Variants in RIMKLB observed in about 807,000 individuals in gnomAD.
The protein encoded by RIMKLB is ribosomal modification protein rimK like family member B.
RIMKLB carries 7 observed loss-of-function variants against 32.0 expected under a neutral mutation model. That is an observed-to-expected ratio of 0.22 (90% confidence interval 0.12 to 0.41). The LOEUF is 0.41. Among genes scored for constraint, RIMKLB ranks in the 10% least tolerant of loss-of-function variants. The probability of loss-of-function intolerance (pLI) is 1.00; values close to 1 mark genes in which losing one functional copy is unlikely to be tolerated. For synonymous variants in RIMKLB, 172 were observed against 185.1 expected, an observed-to-expected ratio of 0.93 and a Z score of 0.57; for missense variants, 289 against 498.7, an observed-to-expected ratio of 0.58 and a Z score of 4.00.
chr12:8,748,812 G>A (rs909610130), intron 2 of RIMKLB, among the ~76,000 whole-genome samples: 5 of 151,744 alleles, frequency 3.3e-5, no homozygotes, highest in Admixed American at 1.3e-4. Flanking sequence ...GGTGGCGGAC[G>A]CCTGTAGTCC....
At chr12:8,711,100 G>C (rs775529222) in intron 1 of RIMKLB, among the ~76,000 whole-genome samples, 2 of 152,072 alleles carry the variant, frequency 1.3e-5, no homozygotes, top group African/African-American at 4.8e-5. Context: ...TGGGCATGGT[G>C]GTGGGCATCT....
At chr12:8,689,337 A>C (rs931475089) in intron 1 of RIMKLB, among the ~76,000 whole-genome samples, 1 of 152,250 alleles carries the variant, frequency 6.6e-6, no homozygotes, top group Non-Finnish European at 1.5e-5. Context: ...TGGGCTGAAA[A>C]GAGACGTCCT....
intron 5 of RIMKLB, among the ~76,000 whole-genome samples, chr12:8,771,292 A>C (rs1318232057): frequency 6.6e-6 from 1 of 152,086 alleles, no homozygotes; most frequent in Non-Finnish European, 1.5e-5. Context: ...GCAGGACCTC[A>C]TCTGGAATGA....
downstream of RIMKLB, among the ~76,000 whole-genome samples, chr12:8,782,135 ATGATAAACT>A (rs55911808): frequency 0.33 from 49,793 of 151,616 alleles, 8,278 homozygotes; most frequent in South Asian, 0.51. Flanking sequence ...CTGAAAGAAA[ATGATAAACT>A]TGAGTTTTAA....
intron 5 of RIMKLB, among the ~76,000 whole-genome samples, chr12:8,768,587 C>G (rs1308868737): frequency 6.6e-6 from 1 of 152,144 alleles, no homozygotes; most frequent in African/African-American, 2.4e-5. Context: ...AGTTTTCAGT[C>G]TTTTCCTAGG....
intron 3 of RIMKLB, 40 bp from the exon 4 acceptor site, chr12:8,751,917 T>G (rs748602316): frequency 5.0e-5 from 62 of 1,239,706 alleles, no homozygotes; most frequent in Non-Finnish European, 7.1e-5. Flanking sequence ...AAAATACTTC[T>G]GCTGCTGTTT....
At chr12:8,759,827 A>T (rs893700082) in intron 5 of RIMKLB, among the ~76,000 whole-genome samples, 2 of 152,166 alleles carry the variant, frequency 1.3e-5, no homozygotes, top group African/African-American at 4.8e-5. Context: ...AAATAGGTTT[A>T]GTGTTTTGCT....
chr12:8,717,554 C>T (rs1447203932), intron 2 of RIMKLB, among the ~76,000 whole-genome samples: 1 of 152,078 alleles, frequency 6.6e-6, no homozygotes, highest in Non-Finnish European at 1.5e-5. Flanking sequence ...GTGTCCTATT[C>T]CTAGCCTAAG....
At chr12:8,761,908 C>T (rs539003387) in intron 5 of RIMKLB, among the ~76,000 whole-genome samples, 255 of 152,212 alleles carry the variant, frequency 1.7e-3, no homozygotes, top group Non-Finnish European at 2.6e-3. Context: ...GCTAGCAGGC[C>T]GGTCCAGGGG....
chr12:8,702,776 T>C (rs977377134), intron 1 of RIMKLB, among the ~76,000 whole-genome samples: 2 of 152,234 alleles, frequency 1.3e-5, no homozygotes, highest in Non-Finnish European at 2.9e-5. Context: ...GTTAGCCATA[T>C]CTGTAAAGCC....
At chr12:8,703,011 C>T (rs888215220) in intron 1 of RIMKLB, among the ~76,000 whole-genome samples, 2 of 152,178 alleles carry the variant, frequency 1.3e-5, no homozygotes, top group African/African-American at 4.8e-5. Context: ...GGAGGCTGGG[C>T]ATGGTGGCTC....
intron 5 of RIMKLB, among the ~76,000 whole-genome samples, chr12:8,756,289 C>G (rs1337030934): frequency 1.3e-5 from 2 of 152,096 alleles, no homozygotes; most frequent in African/African-American, 4.8e-5. Flanking sequence ...CCACTGCACT[C>G]CAGCCTGTCT....
intron 5 of RIMKLB, among the ~76,000 whole-genome samples, chr12:8,766,516 GAGAT>G (rs1565419728): frequency 6.6e-6 from 1 of 152,158 alleles, no homozygotes; most frequent in African/African-American, 2.4e-5. Flanking sequence ...AGTCGGGATT[GAGAT>G]AGAGTCTTTT....
At chr12:8,680,205 G>C (rs1456223492), upstream of RIMKLB, among the ~76,000 whole-genome samples, 1 of 152,184 alleles carries the variant, frequency 6.6e-6, no homozygotes, top group Non-Finnish European at 1.5e-5. Flanking sequence ...GCCCACGCTG[G>C]AGCGCAGTGG....
the RIMKLB span, among the ~76,000 whole-genome samples, chr12:8,670,971 C>T: frequency 6.6e-6 from 1 of 152,328 alleles, no homozygotes; most frequent in South Asian, 2.1e-4. Context: ...AGCCACAGCC[C>T]AAGCTGTATG....
chr12:8,730,170 C>G (rs1347551456), intron 2 of RIMKLB, among the ~76,000 whole-genome samples: 2 of 152,188 alleles, frequency 1.3e-5, no homozygotes, highest in Non-Finnish European at 2.9e-5. Flanking sequence ...ACTGCAGCCT[C>G]CAACCCCTAG....
In RIMKLB at chr12:8,773,584, G is replaced by A. The variant is rs55776242; in HGVS notation, c.961G>A (p.Val321Met). The change falls in exon 6 of 6, where the codon GTG (valine) becomes ATG (methionine). Residue 321 changes from valine to methionine, a missense_variant. Val to Met is a conservative substitution (Grantham distance 21). Around this residue, in one of 3 missense-constraint regions of RIMKLB, gnomAD observed 99 missense variants for 133.9 expected, o/e 0.74. Coordinates refer to ENST00000535829, the MANE Select transcript of RIMKLB (RefSeq NM_001297776.2). ...CACCCGGCGTATGTCCCTGCTCTCC[G>A]TGGTGTCCACTGCCAGTGAGACTAG... ...RLTRRMSLLSVVSTASETSEP... is the reference protein window; with the variant it reads ...RLTRRMSLLSMVSTASETSEP... 13 of 1,614,224 alleles carry A rather than the reference G, an allele frequency of 8.1e-6. No homozygotes were observed. The highest frequency in any genetic ancestry group is 1.7e-4 in the Middle Eastern group (1 of 6,056).
chr12:8,773,970 A>G lies in RIMKLB; in HGVS notation c.*186A>G, dbSNP rs979799786. On this transcript the variant is annotated 3_prime_UTR_variant, in exon 6 of 6. Coordinates refer to ENST00000535829, the MANE Select transcript of RIMKLB (RefSeq NM_001297776.2). Reference sequence around the variant, plus strand: ...AGTAAGATGTTACTTTCATTTACAAATCCTACAAATAGAGAGGCAGAATAG... The same window carrying G: ...AGTAAGATGTTACTTTCATTTACAAGTCCTACAAATAGAGAGGCAGAATAG... 2 of 1,399,100 alleles carry G rather than the reference A, an allele frequency of 1.4e-6. No homozygotes were observed. The highest frequency in any genetic ancestry group is 2.9e-5 in the African/African-American group (2 of 69,310). 86.7% of individuals were successfully genotyped at this position (1,399,100 alleles called of 1,614,324 possible). A position where few individuals can be genotyped will look rare whatever the true frequency, so the allele number is the denominator to read the frequency against.
chr12:8,771,350 C>T (rs1322757416), intron 5 of RIMKLB, among the ~76,000 whole-genome samples: 1 of 152,024 alleles, frequency 6.6e-6, no homozygotes, highest in African/African-American at 2.4e-5. Context: ...TAGAGTCCTG[C>T]TGTGGGGTAG....
Sources: allele counts gnomAD v4.1 joint callset (sites outside exome capture counted in the v4.1 genomes callset), GRCh38; gene constraint gnomAD v4.1.1; regional missense constraint gnomAD v4.1.1; transcripts MANE v1.5; gene names NCBI Gene and HGNC (gene_info 2026-07-23, HGNC 2026-07-21).